Variants in EARS2 observed in about 807,000 individuals in gnomAD.
EARS2 encodes the protein glutamyl-tRNA synthetase 2, mitochondrial.
EARS2 carries 50 observed loss-of-function variants against 54.1 expected under a neutral mutation model. The ratio of observed to expected loss-of-function variants is 0.92; its 90% CI spans 0.74 to 1.17. EARS2 has a LOEUF of 1.17. EARS2 is among the 50% of genes most tolerant of loss of function. The probability of loss-of-function intolerance (pLI) is 0.00; values close to 1 mark genes in which losing one functional copy is unlikely to be tolerated. For synonymous variants in EARS2, 298 were observed against 281.0 expected (o/e 1.06, Z -0.61); for missense variants, 673 against 675.0 (o/e 1.00, Z 0.03).
intron 5 of EARS2, among the ~76,000 whole-genome samples, chr16:23,530,325 T>G (rs1237852095): frequency 6.6e-6 from 1 of 152,198 alleles, no homozygotes; most frequent in Non-Finnish European, 1.5e-5. Flanking sequence ...AGGGTCTTGC[T>G]ATGTTGTCCA....
chr16:23,549,196 G>A (rs903803201), intron 2 of EARS2, among the ~76,000 whole-genome samples: 11 of 152,150 alleles, frequency 7.2e-5, no homozygotes, highest in African/African-American at 2.7e-4. Flanking sequence ...CAGTGCTGGG[G>A]ACTCAGATCT....
chr16:23,526,945 T>C (rs1965238571), intron 7 of EARS2, among the ~76,000 whole-genome samples: 1 of 147,386 alleles, frequency 6.8e-6, no homozygotes, highest in African/African-American at 2.5e-5. Context: ...TTCCAGTTCC[T>C]CTCAGTTTTT....
At position 23,552,221 on chromosome 16, in the gene EARS2, G is replaced by T. The variant is rs912052983; in HGVS notation, c.223C>A (p.Leu75Ile). Residue 75 changes from leucine to isoleucine, a missense_variant, in exon 2 of 9, where the codon CTA (leucine) becomes ATA (isoleucine). This residue lies in a region of EARS2 where 316 missense variants were observed against 275.2 expected (regional missense o/e 1.15). Coordinates refer to ENST00000449606, the MANE Select transcript of EARS2 (RefSeq NM_001083614.2). ...ACGCGAGTCTGATCTGTGTCCTCTA[G>T]CCTCAGGATGAAGCTCCCCTGGTAC... ...KKYQGSFILR[L>I]EDTDQTRVVP... 6.2e-7 allele frequency: 1 copy of T among 1,614,186 alleles called. No homozygotes were observed.
intron 3 of EARS2, among the ~76,000 whole-genome samples, chr16:23,541,469 TG>T (rs1965510381): frequency 6.6e-6 from 1 of 152,192 alleles, no homozygotes; most frequent in Non-Finnish European, 1.5e-5. Context: ...ATCCTCAAGA[TG>T]GTAAGCGGAC....
chr16:23,554,922 T>G (rs979356253), intron 1 of EARS2, among the ~76,000 whole-genome samples: 14 of 152,348 alleles, frequency 9.2e-5, no homozygotes, highest in Admixed American at 8.5e-4. Context: ...AAGTAAACCC[T>G]CAATTAATTT....
chr16:23,522,991 C>T lies in EARS2; in HGVS notation c.*1380G>A, dbSNP rs1386512946. The T allele has an allele frequency of 6.6e-6, 1 of 152,238 alleles. No homozygotes were observed. Among genetic ancestry groups the T allele is most frequent in the Non-Finnish European group, 1.5e-5 (1 of 68,052 alleles). The allele number at this position is 152,238 out of a possible 1,614,324, so 9.4% of individuals were successfully genotyped here. A position where few individuals can be genotyped will look rare whatever the true frequency, so the allele number is the denominator to read the frequency against. On this transcript the variant is annotated 3_prime_UTR_variant, in exon 9 of 9. Transcript: ENST00000449606. ...AGTATTTTCATGACCTGGAAGCTGG[C>T]TTCCCCCAAAGTAAGCGATCAAAGA...
chr16:23,557,279 A>G lies in EARS2; in HGVS notation c.65T>C (p.Val22Ala), dbSNP rs1965814692. Reference sequence around the variant, plus strand: ...GCCCAGGTTGGCCTCGCGCCGTCCTACGGGGCGGCCAGAGGCCGCCGAAGG... The same window carrying G: ...GCCCAGGTTGGCCTCGCGCCGTCCTGCGGGGCGGCCAGAGGCCGCCGAAGG... ...ERPSAASGRPVGRREANLGTD... is the reference protein window; with the variant it reads ...ERPSAASGRPAGRREANLGTD... Residue 22 changes from valine to alanine, a missense_variant, in exon 1 of 9, where the codon GTA becomes GCA. Coordinates refer to ENST00000449606, the MANE Select transcript of EARS2 (RefSeq NM_001083614.2). The G allele has an allele frequency of 6.6e-7, 1 of 1,518,598 alleles. No individual in the cohort carries two copies. The highest frequency in any genetic ancestry group is 1.4e-5 in the African/African-American group (1 of 72,100). 94.1% of individuals were successfully genotyped at this position (1,518,598 alleles called of 1,614,324 possible).
chr16:23,546,399 T>C (rs9927308), intron 2 of EARS2: 69 of 456,040 alleles, frequency 1.5e-4, no homozygotes, highest in African/African-American at 1.1e-3. Flanking sequence ...CTCAGAGATC[T>C]TGGGCAAGTC....
chr16:23,532,435 T>C (rs976121704), intron 5 of EARS2: 1 of 402,496 alleles, frequency 2.5e-6, no homozygotes, highest in Middle Eastern at 5.2e-4. Context: ...GATATTTTCA[T>C]GCAACACTTA....
At position 23,557,137 on chromosome 16, in the gene EARS2, G is replaced by C. The variant is rs747540356; in HGVS notation, c.139+68C>G. On this transcript the variant is annotated intron_variant, in intron 1 of 8. Coordinates refer to ENST00000449606, the MANE Select transcript of EARS2 (RefSeq NM_001083614.2). ...TGACACCACCGGAAAGGATTCATTC[G>C]GGAACATTCGTGGGGCGGAGACGGG... 5.4e-6 allele frequency: 8 copies of C among 1,488,714 alleles called. No homozygotes were observed. In the East Asian group the frequency reaches 1.4e-4, roughly 26 times the overall value. 92.2% of individuals were successfully genotyped at this position (1,488,714 alleles called of 1,614,324 possible). A position where few individuals can be genotyped will look rare whatever the true frequency, so the allele number is the denominator to read the frequency against.
At chr16:23,550,036 A>T (rs1325741022) in intron 2 of EARS2, among the ~76,000 whole-genome samples, 1 of 151,996 alleles carries the variant, frequency 6.6e-6, no homozygotes, top group East Asian at 1.9e-4. Context: ...TTTTCTCCAT[A>T]CTGGTTATTA....
At chr16:23,535,411 C>T in intron 3 of EARS2, 51 bp from the exon 4 acceptor site, 1 of 1,532,414 alleles carries the variant, frequency 6.5e-7, no homozygotes, top group African/African-American at 1.4e-5. Context: ...GGTTGATGGA[C>T]AGGAGTCCTA....
At chr16:23,535,422 C>G (rs1965402047) in intron 3 of EARS2, 62 bp from the exon 4 acceptor site, 1 of 1,486,550 alleles carries the variant, frequency 6.7e-7, no homozygotes, top group African/African-American at 1.4e-5. Context: ...AGGAGTCCTA[C>G]CTCTGTCATA....
At chr16:23,552,642 A>G (rs1263232096) in intron 1 of EARS2, among the ~76,000 whole-genome samples, 2 of 152,210 alleles carry the variant, frequency 1.3e-5, no homozygotes, top group East Asian at 3.9e-4. Flanking sequence ...GGTGTGTGCC[A>G]CCACGTCCAG....
chr16:23,527,550 CTTTTT>C (rs33925429), intron 7 of EARS2, among the ~76,000 whole-genome samples: 3 of 84,472 alleles, frequency 3.6e-5, no homozygotes, highest in Admixed American at 1.4e-4. Context: ...AGTGATCGTT[CTTTTT>C]TTTTTTTTTT....
rs890083984 is a variant in EARS2, at chr16:23,530,229, G to A, written c.1068-332C>T. On this transcript the variant is annotated intron_variant, in intron 5 of 8. Coordinates refer to ENST00000449606, the MANE Select transcript of EARS2 (RefSeq NM_001083614.2). ...CAGCCTAGACCTCCTAGGCTCAAGC[G>A]ATCCTCCCATCTCACCCTCCCAAGT... 3.9e-5 allele frequency among the ~76,000 whole-genome samples: 6 copies of A among 152,122 alleles called. No individual in the cohort carries two copies. The South Asian group carries it at 1.0e-3, about 26-fold the overall frequency.
chr16:23,544,923 C>T lies in EARS2; in HGVS notation c.296-220G>A, dbSNP rs537263268. The T allele has an allele frequency of 1.2e-5, 5 of 424,026 alleles. No homozygotes were observed. In the East Asian group the frequency reaches 1.4e-4, roughly 12 times the overall value. 26.3% of individuals were successfully genotyped at this position (424,026 alleles called of 1,614,324 possible). A position where few individuals can be genotyped will look rare whatever the true frequency, so the allele number is the denominator to read the frequency against. On this transcript the variant is annotated intron_variant, in intron 2 of 8. Transcript: ENST00000449606. ...GTGGTGCAATCTTAGCTCACTGCAA[C>T]CTCCACCTCCCAAGTTCAAGCGGTT... is the stretch of plus-strand genomic sequence containing the variant.
In EARS2 at chr16:23,544,175, G is replaced by A. The variant is rs560550212; in HGVS notation, c.485+339C>T. 1.9e-4 allele frequency among the ~76,000 whole-genome samples: 29 copies of A among 152,272 alleles called. No homozygotes were observed. In the East Asian group the frequency reaches 3.5e-3, roughly 18 times the overall value. On this transcript the variant is annotated intron_variant, in intron 3 of 8. Coordinates refer to ENST00000449606, the MANE Select transcript of EARS2 (RefSeq NM_001083614.2). ...GGCTTTGAGAAATGCTGGCTGCCAC[G>A]CTGTAAGCTGCTCTATGGAGAGGCT...
rs1344394197 is a variant in EARS2, at chr16:23,529,506, G to A, written c.1348C>T (p.Leu450=). 1 of 1,613,770 alleles carries A rather than the reference G, an allele frequency of 6.2e-7. No homozygotes were observed. Among genetic ancestry groups the A allele is most frequent in the Non-Finnish European group, 8.5e-7 (1 of 1,179,858 alleles). ...EKVDVIAKRV[L]GLLERSSMSL... is the part of the protein sequence containing the mutation. The stretch of plus-strand genomic sequence containing the variant: ...GCTCAGCCTGCGGGTACTCACCCCA[G>A]CACACGCTTGGCAATCACATCCACC... Residue 450 remains leucine (L), a synonymous_variant, in exon 7 of 9, where the codon CTG becomes TTG. Transcript: ENST00000449606.
Sources: allele counts gnomAD v4.1 joint callset (sites outside exome capture counted in the v4.1 genomes callset), GRCh38; gene constraint gnomAD v4.1.1; regional missense constraint gnomAD v4.1.1; transcripts MANE v1.5; gene names NCBI Gene and HGNC (gene_info 2026-07-23, HGNC 2026-07-21).